The following SLC24A2 variants were observed in gnomAD, a reference collection of about 807,000 sequenced individuals.
The protein encoded by SLC24A2 is solute carrier family 24 member 2, also known as sodium/potassium/calcium exchanger 2.
A neutral mutation model predicts 62.0 loss-of-function variants in SLC24A2; 36 were observed. The ratio of observed to expected loss-of-function variants is 0.58; its 90% CI spans 0.44 to 0.77. SLC24A2 has a LOEUF of 0.77. SLC24A2 is among the 30% of genes least tolerant of loss of function. The probability of loss-of-function intolerance (pLI) is 0.00; values close to 1 mark genes in which losing one functional copy is unlikely to be tolerated. For synonymous variants in SLC24A2, 358 were observed against 294.0 expected, an observed-to-expected ratio of 1.22 and a Z score of -2.23; for missense variants, 846 against 817.9, an observed-to-expected ratio of 1.03 and a Z score of -0.42.
intron 8 of SLC24A2, among the ~76,000 whole-genome samples, chr9:19,544,571 T>C (rs1834453480): frequency 6.6e-6 from 1 of 152,194 alleles, no homozygotes; most frequent in Non-Finnish European, 1.5e-5. Context: ...CTGGTTCCAG[T>C]TGTTCCTCTC....
At chr9:20,018,988 C>A in the SLC24A2 span, among the ~76,000 whole-genome samples, 1 of 151,312 alleles carries the variant, frequency 6.6e-6, no homozygotes, top group African/African-American at 2.4e-5. Flanking sequence ...CATTTGAGCC[C>A]CAGAGACAGA....
Position 19,690,914 on chromosome 9 carries a change from C to T in SLC24A2, c.931-68615G>A, listed in dbSNP as rs75403183. On this transcript the variant is annotated intron_variant, in intron 2 of 10. Transcript: ENST00000341998. ...CTAAGGGAGGCGTATTGTGTGTGTG[C>T]GTGTGAGAGAGAGAGAGAGAGACAG... Among the ~76,000 whole-genome samples the T allele has an allele frequency of 3.2e-3, 278 of 86,996 alleles. 3 individuals carry two copies. Among genetic ancestry groups the T allele is most frequent in the African/African-American group, 7.0e-3 (238 of 33,766 alleles). The allele number at this position is 86,996 out of a possible 152,430, so 57.1% of individuals were successfully genotyped here. A position where few individuals can be genotyped will look rare whatever the true frequency, so the allele number is the denominator to read the frequency against.
At chr9:19,589,975 G>C (rs902775756) in intron 5 of SLC24A2, among the ~76,000 whole-genome samples, 4 of 152,030 alleles carry the variant, frequency 2.6e-5, no homozygotes, top group Non-Finnish European at 5.9e-5. Flanking sequence ...TCCATCTTTG[G>C]ATATGTCTGT....
chr9:19,618,825 C>T (rs1817835162), intron 4 of SLC24A2, among the ~76,000 whole-genome samples: 1 of 152,112 alleles, frequency 6.6e-6, no homozygotes, highest in African/African-American at 2.4e-5. Flanking sequence ...ATTTGAACCC[C>T]TTACTAGTGA....
At chr9:20,297,485 G>C in the SLC24A2 span, among the ~76,000 whole-genome samples, 1 of 152,222 alleles carries the variant, frequency 6.6e-6, no homozygotes, top group South Asian at 2.1e-4. Context: ...CCCTGAAGAA[G>C]GGTTTGGCAC....
chr9:20,164,083 A>T, the SLC24A2 span, among the ~76,000 whole-genome samples: 788 of 152,300 alleles, frequency 5.2e-3, 8 homozygotes, highest in African/African-American at 0.017. Context: ...CAAGGACTTC[A>T]TGTCTAAAAT....
chr9:19,714,894 T>C (rs1355855878), intron 2 of SLC24A2, among the ~76,000 whole-genome samples: 1 of 152,014 alleles, frequency 6.6e-6, no homozygotes, highest in African/African-American at 2.4e-5. Flanking sequence ...CTTTGTAGAG[T>C]AGAGGATTAA....
At chr9:20,110,138 G>C in the SLC24A2 span, among the ~76,000 whole-genome samples, 1 of 152,110 alleles carries the variant, frequency 6.6e-6, no homozygotes, top group South Asian at 2.1e-4. Flanking sequence ...GCCCACAGCG[G>C]AAGAAATTTA....
the SLC24A2 span, among the ~76,000 whole-genome samples, chr9:20,198,497 C>T: frequency 6.6e-6 from 1 of 152,194 alleles, no homozygotes; most frequent in Admixed American, 6.5e-5. Context: ...TGACTTACTC[C>T]GTGCAGTTTA....
chr9:20,087,425 TA>T, the SLC24A2 span, among the ~76,000 whole-genome samples: 6 of 152,168 alleles, frequency 3.9e-5, no homozygotes, highest in Non-Finnish European at 5.9e-5. Context: ...CTGGGGCTCA[TA>T]TATCAGGCCT....
the SLC24A2 span, among the ~76,000 whole-genome samples, chr9:20,127,501 C>T: frequency 2.0e-5 from 3 of 152,158 alleles, no homozygotes; most frequent in African/African-American, 7.2e-5. Context: ...ATAAAGGATA[C>T]TGTCTTCAAT....
the SLC24A2 span, among the ~76,000 whole-genome samples, chr9:20,027,832 A>T: frequency 6.6e-6 from 1 of 152,206 alleles, no homozygotes; most frequent in Non-Finnish European, 1.5e-5. Flanking sequence ...ATATTTGTTG[A>T]TTGGTTTGAT....
chr9:19,516,351 C>T lies in SLC24A2; in HGVS notation c.1788G>A (p.Val596=). 1 of 1,614,136 alleles carries T rather than the reference C, an allele frequency of 6.2e-7. No individual in the cohort carries two copies. Among genetic ancestry groups the T allele is most frequent in the Non-Finnish European group, 8.5e-7 (1 of 1,180,004 alleles). ...LYTVIHRFQP[V]AVSSNGLFCA... The stretch of plus-strand genomic sequence containing the variant: ...AGAAAAGGCCATTGCTGCTGACAGC[C>T]ACTGGCTGGAATCTGTGAATGACGG... Residue 596 remains valine, a synonymous_variant, in exon 11 of 11, where the codon GTG becomes GTA. Transcript: ENST00000341998.
intron 5 of SLC24A2, among the ~76,000 whole-genome samples, chr9:19,591,155 C>T (rs2383103): frequency 0.19 from 28,416 of 151,974 alleles, 2,899 homozygotes; most frequent in East Asian, 0.3. Flanking sequence ...AAATAACACG[C>T]ATATTTTATG....
At chr9:19,716,225 G>A (rs1054226245) in intron 2 of SLC24A2, among the ~76,000 whole-genome samples, 2 of 151,800 alleles carry the variant, frequency 1.3e-5, no homozygotes, top group Non-Finnish European at 2.9e-5. Context: ...TGTGCAACAC[G>A]CTCACCCCTA....
chr9:19,610,109 A>G (rs1279652745), intron 4 of SLC24A2, among the ~76,000 whole-genome samples: 3 of 152,128 alleles, frequency 2.0e-5, no homozygotes, highest in Admixed American at 6.5e-5. Flanking sequence ...TCCTACTCCT[A>G]TGTTTCTTAA....
At chr9:20,050,683 C>T in the SLC24A2 span, among the ~76,000 whole-genome samples, 6 of 152,248 alleles carry the variant, frequency 3.9e-5, no homozygotes, top group East Asian at 3.9e-4. Context: ...AACTCAATGA[C>T]GTGAATACAT....
At chr9:20,235,536 C>T in the SLC24A2 span, among the ~76,000 whole-genome samples, 4 of 152,330 alleles carry the variant, frequency 2.6e-5, no homozygotes, top group African/African-American at 9.6e-5. Context: ...GAGCCATATG[C>T]GGGATATAAT....
At chr9:20,106,585 C>G in the SLC24A2 span, among the ~76,000 whole-genome samples, 1 of 152,042 alleles carries the variant, frequency 6.6e-6, no homozygotes, top group Admixed American at 6.5e-5. Flanking sequence ...TAAACAGAAC[C>G]AAAGACAAAA....
Sources: allele counts gnomAD v4.1 joint callset (sites outside exome capture counted in the v4.1 genomes callset), GRCh38; gene constraint gnomAD v4.1.1; transcripts MANE v1.5; gene names NCBI Gene and HGNC (gene_info 2026-07-23, HGNC 2026-07-21).